The following ST6GALNAC3 variants were observed in gnomAD, a reference collection of about 807,000 sequenced individuals.
The protein encoded by ST6GALNAC3 is ST6 N-acetylgalactosaminide alpha-2,6-sialyltransferase 3, also known as alpha-N-acetylgalactosaminide alpha-2,6-sialyltransferase 3.
ST6GALNAC3 carries 25 observed loss-of-function variants against 32.7 expected under a neutral mutation model. That is an observed-to-expected ratio of 0.76 (90% CI 0.56 to 1.07). ST6GALNAC3 has a LOEUF of 1.07. Ranked by LOEUF, ST6GALNAC3 falls within the 50% of genes least tolerant of loss-of-function variation. The probability of loss-of-function intolerance (pLI) is 0.00; values close to 1 mark genes in which losing one functional copy is unlikely to be tolerated. For synonymous variants in ST6GALNAC3, 129 were observed against 133.1 expected, an observed-to-expected ratio of 0.97 and a Z score of 0.21; for missense variants, 355 against 382.4, an observed-to-expected ratio of 0.93 and a Z score of 0.60.
chr1:76,480,976 G>A (rs2101655217), intron 3 of ST6GALNAC3, among the ~76,000 whole-genome samples: 1 of 152,156 alleles, frequency 6.6e-6, no homozygotes. Flanking sequence ...GTTTGTAAGG[G>A]ACAGAGTTGT....
intron 1 of ST6GALNAC3, among the ~76,000 whole-genome samples, chr1:76,142,460 C>T (rs1650390640): frequency 6.6e-6 from 1 of 152,156 alleles, no homozygotes; most frequent in Non-Finnish European, 1.5e-5. Flanking sequence ...TTTCCATTCT[C>T]AGCACCAACC....
intron 1 of ST6GALNAC3, among the ~76,000 whole-genome samples, chr1:76,306,800 A>T (rs1240226833): frequency 2.0e-5 from 3 of 152,016 alleles, no homozygotes. Flanking sequence ...AAATTATAAT[A>T]AAAAAACTCA....
intron 2 of ST6GALNAC3, among the ~76,000 whole-genome samples, chr1:76,335,628 A>G (rs1647409786): frequency 6.6e-6 from 1 of 152,206 alleles, no homozygotes; most frequent in African/African-American, 2.4e-5. Flanking sequence ...TTTTTTCTTC[A>G]TGAACATAAT....
chr1:76,568,519 A>G (rs1255641702), intron 3 of ST6GALNAC3, among the ~76,000 whole-genome samples: 1 of 152,102 alleles, frequency 6.6e-6, no homozygotes, highest in Non-Finnish European at 1.5e-5. Context: ...GTGTAGTCGA[A>G]TTGCAATTTG....
intron 1 of ST6GALNAC3, among the ~76,000 whole-genome samples, chr1:76,197,735 G>T (rs2631793): frequency 6.6e-6 from 1 of 152,226 alleles, no homozygotes; most frequent in African/African-American, 2.4e-5. Context: ...AGGGTAGAAA[G>T]ATTAGGCAGG....
chr1:76,332,365 G>A lies in ST6GALNAC3; in HGVS notation c.213+18366G>A, dbSNP rs941264831. On this transcript the variant is annotated intron_variant, in intron 2 of 4. Coordinates refer to ENST00000328299, the MANE Select transcript of ST6GALNAC3 (RefSeq NM_152996.4). Reference sequence around the variant, plus strand: ...TCTCATTTTTCTCATCTTCTAATTCGTGAAAGGGACACAGAAATATTTAGA... The same window carrying A: ...TCTCATTTTTCTCATCTTCTAATTCATGAAAGGGACACAGAAATATTTAGA... Among the ~76,000 whole-genome samples, 8 of 152,138 alleles carry A rather than the reference G, an allele frequency of 5.3e-5. No individual in the cohort carries two copies. In the South Asian group the frequency reaches 6.2e-4, roughly 12 times the overall value.
chr1:76,221,626 A>G (rs1047410899), intron 1 of ST6GALNAC3, among the ~76,000 whole-genome samples: 9 of 152,158 alleles, frequency 5.9e-5, no homozygotes, highest in Admixed American at 2.6e-4. Context: ...TTCAACAATC[A>G]GGCTCTCTTA....
chr1:76,113,333 G>C (rs2100813275), intron 1 of ST6GALNAC3, among the ~76,000 whole-genome samples: 1 of 145,394 alleles, frequency 6.9e-6, no homozygotes, highest in South Asian at 2.2e-4. Flanking sequence ...ACCGTGGGGA[G>C]ACGGGAGAGG....
intron 1 of ST6GALNAC3, among the ~76,000 whole-genome samples, chr1:76,095,780 C>G (rs1179961950): frequency 6.6e-6 from 1 of 152,076 alleles, no homozygotes; most frequent in African/African-American, 2.4e-5. Flanking sequence ...TATACACTTT[C>G]CTTCCCATCC....
intron 1 of ST6GALNAC3, among the ~76,000 whole-genome samples, chr1:76,291,754 AT>A (rs1660109112): frequency 8.2e-6 from 1 of 121,968 alleles, no homozygotes; most frequent in African/African-American, 2.5e-5. Flanking sequence ...TAGGAATTTA[AT>A]AAAAAAAAAG....
chr1:76,324,091 C>A (rs1415129171), intron 2 of ST6GALNAC3, among the ~76,000 whole-genome samples: 1 of 151,848 alleles, frequency 6.6e-6, no homozygotes, highest in Admixed American at 6.6e-5. Flanking sequence ...AACTCCTGAG[C>A]CTGATCCGCC....
At chr1:76,130,057 C>T (rs537610864) in intron 1 of ST6GALNAC3, among the ~76,000 whole-genome samples, 3 of 152,340 alleles carry the variant, frequency 2.0e-5, no homozygotes, top group African/African-American at 4.8e-5. Flanking sequence ...GCGTGTGGCC[C>T]TTCCAACTTG....
chr1:76,480,904 A>T lies in ST6GALNAC3; in HGVS notation c.623+68487A>T, dbSNP rs571648327. Among the ~76,000 whole-genome samples, 17 of 152,110 alleles carry T rather than the reference A, an allele frequency of 1.1e-4. 1 individual carries two copies. The highest frequency in any genetic ancestry group is 1.1e-3 in the Admixed American group (17 of 15,264). On this transcript the variant is annotated intron_variant, in intron 3 of 4. Transcript: ENST00000328299. The stretch of plus-strand genomic sequence containing the variant: ...TAAAAGCATCATTCCACTAGTTTCC[A>T]TTGCTATTATCCATGAAGAAATAGA...
intron 3 of ST6GALNAC3, among the ~76,000 whole-genome samples, chr1:76,541,983 T>A (rs998257368): frequency 2.0e-5 from 3 of 152,242 alleles, no homozygotes; most frequent in Non-Finnish European, 4.4e-5. Flanking sequence ...TGGTACTTTT[T>A]AAAAAAAATT....
At chr1:76,328,310 G>C (rs1462679956) in intron 2 of ST6GALNAC3, among the ~76,000 whole-genome samples, 1 of 152,178 alleles carries the variant, frequency 6.6e-6, no homozygotes, top group Non-Finnish European at 1.5e-5. Context: ...TCACGAATGA[G>C]AAGTAGAGGA....
chr1:76,259,412 C>T (rs1448513527), intron 1 of ST6GALNAC3, among the ~76,000 whole-genome samples: 1 of 152,126 alleles, frequency 6.6e-6, no homozygotes, highest in Non-Finnish European at 1.5e-5. Flanking sequence ...TCTGTGTCCT[C>T]GTTTCATGTG....
At chr1:76,421,689 A>G (rs566705719) in intron 3 of ST6GALNAC3, among the ~76,000 whole-genome samples, 92 of 152,196 alleles carry the variant, frequency 6.0e-4, no homozygotes, top group African/African-American at 2.2e-3. Flanking sequence ...AAATTGCCTT[A>G]CTTTTTAAAT....
At chr1:76,220,273 T>G (rs1655693881) in intron 1 of ST6GALNAC3, among the ~76,000 whole-genome samples, 1 of 152,190 alleles carries the variant, frequency 6.6e-6, no homozygotes, top group African/African-American at 2.4e-5. Context: ...TAATTTGTAT[T>G]TTTTAGGAGA....
At chr1:76,241,553 C>G (rs990643851) in intron 1 of ST6GALNAC3, among the ~76,000 whole-genome samples, 2 of 152,118 alleles carry the variant, frequency 1.3e-5, no homozygotes, top group African/African-American at 2.4e-5. Context: ...CCAAACACCT[C>G]CCATTAGTCC....
Sources: gnomAD v4.1 joint callset for allele counts (sites outside exome capture counted in the v4.1 genomes callset) on GRCh38, gnomAD v4.1.1 for gene constraint, MANE v1.5 for transcripts, NCBI Gene and HGNC (gene_info 2026-07-23, HGNC 2026-07-21) for gene names.